Variants in PRKAG2 observed in about 807,000 individuals in gnomAD.
The protein encoded by PRKAG2 is protein kinase AMP-activated non-catalytic subunit gamma 2.
A neutral mutation model predicts 69.6 loss-of-function variants in PRKAG2; 26 were observed. The ratio of observed to expected loss-of-function variants is 0.37; its 90% confidence interval spans 0.27 to 0.52. PRKAG2 has a LOEUF of 0.52. Ranked by LOEUF, PRKAG2 falls within the 20% of genes least tolerant of loss-of-function variation. The pLI is 0.90. For synonymous variants in PRKAG2, 293 were observed against 285.0 expected, an observed-to-expected ratio of 1.03 and a Z score of -0.28; for missense variants, 557 against 740.0, an observed-to-expected ratio of 0.75 and a Z score of 2.87.
intron 1 of PRKAG2, among the ~76,000 whole-genome samples, chr7:151,861,154 G>A (rs2151906147): frequency 6.6e-6 from 1 of 152,288 alleles, no homozygotes; most frequent in East Asian, 1.9e-4. Context: ...TGAATAAGGA[G>A]ACCTATTGAA....
At chr7:151,838,872 A>G (rs75331245) in intron 1 of PRKAG2, among the ~76,000 whole-genome samples, 17,504 of 151,958 alleles carry the variant, frequency 0.12, 1,350 homozygotes, top group East Asian at 0.38. Flanking sequence ...AAAATTAGCC[A>G]GGCGTGTTGG....
intron 5 of PRKAG2, among the ~76,000 whole-genome samples, chr7:151,619,894 G>A (rs1821058523): frequency 6.6e-6 from 1 of 152,122 alleles, no homozygotes; most frequent in African/African-American, 2.4e-5. Flanking sequence ...GGTGGCGCAT[G>A]CCTGTAATCC....
At chr7:151,717,243 T>G (rs10265221) in intron 3 of PRKAG2, among the ~76,000 whole-genome samples, 1 of 143,588 alleles carries the variant, frequency 7.0e-6, no homozygotes, top group African/African-American at 2.7e-5. Flanking sequence ...CGAGACCCCA[T>G]GTCAAAAAGA....
At chr7:151,592,070 A>AGTACATGGACACTGCATGG (rs1813305768) in intron 6 of PRKAG2, among the ~76,000 whole-genome samples, 1 of 152,096 alleles carries the variant, frequency 6.6e-6, no homozygotes, top group Non-Finnish European at 1.5e-5. Flanking sequence ...AGGCCTGTGA[A>AGTACATGGACACTGCATGG]GTACATGGAC....
At chr7:151,576,792 C>G (rs981330329) in intron 6 of PRKAG2, among the ~76,000 whole-genome samples, 7 of 152,160 alleles carry the variant, frequency 4.6e-5, no homozygotes, top group Admixed American at 3.9e-4. Flanking sequence ...TGAGCCACCG[C>G]ACCTGGCCAG....
intron 1 of PRKAG2, among the ~76,000 whole-genome samples, chr7:151,858,296 C>T (rs575058916): frequency 1.2e-4 from 18 of 152,334 alleles, no homozygotes; most frequent in Admixed American, 9.1e-4. Context: ...CTGCCAGCCT[C>T]GGCCACAGCT....
intron 3 of PRKAG2, among the ~76,000 whole-genome samples, chr7:151,729,195 C>T (rs891907407): frequency 6.6e-6 from 1 of 152,064 alleles, no homozygotes; most frequent in African/African-American, 2.4e-5. Flanking sequence ...CTCACCAAAT[C>T]CACGGCTGGG....
chr7:151,700,673 A>C (rs903987284), intron 3 of PRKAG2, among the ~76,000 whole-genome samples: 7 of 152,150 alleles, frequency 4.6e-5, no homozygotes, highest in African/African-American at 1.7e-4. Flanking sequence ...GTAGGAGATC[A>C]TCTGAGTTCT....
intron 4 of PRKAG2, among the ~76,000 whole-genome samples, chr7:151,671,214 A>G (rs1010077011): frequency 7.3e-5 from 11 of 151,532 alleles, no homozygotes; most frequent in Non-Finnish European, 1.5e-5. Context: ...GCTGTCTTCT[A>G]AAGACTAATT....
intron 9 of PRKAG2, among the ~76,000 whole-genome samples, chr7:151,570,731 T>G (rs1319994071): frequency 6.6e-6 from 1 of 152,190 alleles, no homozygotes; most frequent in Non-Finnish European, 1.5e-5. Context: ...AAAACTGTTT[T>G]TTTCTGAAGA....
At chr7:151,796,186 G>A (rs1436000007) in intron 1 of PRKAG2, among the ~76,000 whole-genome samples, 2 of 151,978 alleles carry the variant, frequency 1.3e-5, no homozygotes, top group South Asian at 2.1e-4. Context: ...GGTAAAAGCA[G>A]GCCGCTGTTT....
At chr7:151,679,604 TG>T (rs2151489448) in intron 3 of PRKAG2, among the ~76,000 whole-genome samples, 1 of 152,244 alleles carries the variant, frequency 6.6e-6, no homozygotes, top group East Asian at 1.9e-4. Flanking sequence ...CAAAAACCTG[TG>T]CCACCCCCCA....
At chr7:151,728,067 CAG>C (rs1401115539) in intron 3 of PRKAG2, among the ~76,000 whole-genome samples, 1 of 152,160 alleles carries the variant, frequency 6.6e-6, no homozygotes, top group Non-Finnish European at 1.5e-5. Context: ...CCAGGCCCAG[CAG>C]AGTGTTTGAC....
At chr7:151,789,761 C>T (rs1031310532) in intron 1 of PRKAG2, among the ~76,000 whole-genome samples, 1 of 152,180 alleles carries the variant, frequency 6.6e-6, no homozygotes, top group African/African-American at 2.4e-5. Flanking sequence ...TGCGGTACAG[C>T]GAGGGCATTT....
intron 5 of PRKAG2, among the ~76,000 whole-genome samples, chr7:151,620,056 A>G (rs564709029): frequency 1.1e-4 from 17 of 152,192 alleles, no homozygotes; most frequent in African/African-American, 3.8e-4. Context: ...AAAAATAAAT[A>G]AATAAATCAG....
intron 3 of PRKAG2, among the ~76,000 whole-genome samples, chr7:151,758,578 C>T (rs2075238910): frequency 6.6e-6 from 1 of 152,158 alleles, no homozygotes; most frequent in South Asian, 2.1e-4. Context: ...CAGGGAGATC[C>T]AAGGTCCCCA....
intron 1 of PRKAG2, among the ~76,000 whole-genome samples, chr7:151,859,393 C>A (rs1332636189): frequency 6.6e-6 from 1 of 152,198 alleles, no homozygotes; most frequent in Non-Finnish European, 1.5e-5. Flanking sequence ...GACTGCCAGC[C>A]CCGTGGAAAG....
rs1837403023 is a variant in PRKAG2 at position 151,699,973 on chromosome 7, G to T, written c.467-24336C>A. ...CCACATTGCAGAAACAGCCTCAACA[G>T]GAGCCTTGTGTACCTGCCAACATTT... On this transcript the variant is annotated intron_variant, in intron 3 of 15. Transcript: ENST00000287878. The surrounding 1 kb of genome is among the most constrained non-coding windows in gnomAD (Gnocchi z 4.5). 6.6e-6 allele frequency among the ~76,000 whole-genome samples: 1 copy of T among 152,206 alleles called. No homozygotes were observed. Among genetic ancestry groups the T allele is most frequent in the Non-Finnish European group, 1.5e-5 (1 of 68,040 alleles).
At chr7:151,716,887 A>G (rs116431701) in intron 3 of PRKAG2, among the ~76,000 whole-genome samples, 14,846 of 152,164 alleles carry the variant, frequency 0.098, 1,649 homozygotes, top group African/African-American at 0.27. Context: ...CGTTTTAGGG[A>G]AATGAGTGTT....
Sources: gnomAD v4.1 joint callset for allele counts (sites outside exome capture counted in the v4.1 genomes callset) on GRCh38, gnomAD v4.1.1 for gene constraint, Gnocchi (gnomAD v3.1) non-coding constraint, MANE v1.5 for transcripts, NCBI Gene and HGNC (gene_info 2026-07-23, HGNC 2026-07-21) for gene names.